Variants in TLCD4 observed in about 807,000 individuals in gnomAD.
The protein encoded by TLCD4 is TLC domain-containing protein 4.
TLCD4 carries 7 observed loss-of-function variants against 24.2 expected under a neutral mutation model. The ratio of observed to expected loss-of-function variants is 0.29; its 90% CI spans 0.16 to 0.54. TLCD4 has a LOEUF of 0.54. Ranked by LOEUF, TLCD4 falls within the 20% of genes least tolerant of loss-of-function variation. The probability of loss-of-function intolerance (pLI) is 0.95; values close to 1 mark genes in which losing one functional copy is unlikely to be tolerated. For missense variants in TLCD4, 259 were observed against 313.9 expected (o/e 0.82, Z 1.32); for synonymous variants, 103 against 106.4 (o/e 0.97, Z 0.20).
intron 6 of TLCD4, among the ~76,000 whole-genome samples, chr1:95,183,234 A>C (rs1317823440): frequency 1.3e-5 from 2 of 152,240 alleles, no homozygotes; most frequent in African/African-American, 4.8e-5. Context: ...GAGAGATGAC[A>C]AAATAGAGAT....
At chr1:95,166,646 C>T (rs147820812) in intron 5 of TLCD4, among the ~76,000 whole-genome samples, 1 of 152,312 alleles carries the variant, frequency 6.6e-6, no homozygotes, top group African/African-American at 2.4e-5. Flanking sequence ...ACCCTTGCAT[C>T]AGTAACTAGG....
At chr1:95,105,334 C>A in the TLCD4 span, among the ~76,000 whole-genome samples, 1 of 152,144 alleles carries the variant, frequency 6.6e-6, no homozygotes, top group Admixed American at 6.5e-5. Context: ...CCTGAAATAT[C>A]CTTTTCCCTG....
intron 2 of TLCD4, among the ~76,000 whole-genome samples, chr1:95,148,003 A>T (rs540872154): frequency 6.6e-6 from 1 of 152,272 alleles, no homozygotes; most frequent in South Asian, 2.1e-4. Context: ...TCTTGAGAAC[A>T]TTGTGCTTTC....
chr1:95,110,057 C>G, the TLCD4 span, among the ~76,000 whole-genome samples: 2 of 145,934 alleles, frequency 1.4e-5, no homozygotes, highest in Admixed American at 1.4e-4. Flanking sequence ...TTTGGGTATA[C>G]ATATACACGT....
At chr1:95,189,765 A>G (rs149060135) in intron 6 of TLCD4, among the ~76,000 whole-genome samples, 193 of 152,372 alleles carry the variant, frequency 1.3e-3, no homozygotes, top group Non-Finnish European at 2.1e-3. Context: ...ATGTACTACA[A>G]TGTTTGTCCA....
chr1:95,148,870 T>C (rs1571744725), intron 3 of TLCD4, 79 bp downstream of exon 3: 4 of 1,541,086 alleles, frequency 2.6e-6, no homozygotes, highest in Middle Eastern at 2.2e-4. Context: ...TCACTTACTT[T>C]AAAACAGAAA....
intron 5 of TLCD4, among the ~76,000 whole-genome samples, chr1:95,165,568 C>G: frequency 6.6e-6 from 1 of 151,570 alleles, no homozygotes; most frequent in East Asian, 1.9e-4. Flanking sequence ...CGGGTTCAAG[C>G]GATTCCCCTG....
At chr1:95,094,382 A>G in the TLCD4 span, among the ~76,000 whole-genome samples, 1 of 151,214 alleles carries the variant, frequency 6.6e-6, no homozygotes, top group African/African-American at 2.4e-5. Context: ...TGATCCTCCT[A>G]CCTTGGCCTC....
rs1329741511 is a variant in TLCD4, at chr1:95,194,972, G to A, written c.*3104G>A. On this transcript the variant is annotated 3_prime_UTR_variant, in exon 7 of 7. Transcript: ENST00000370203. ...CAACTGTTTGATTTTATTATTTCAT[G>A]GACTAGCCTTACGTTAAGTGAAATA... 1 of 152,112 alleles carries A rather than the reference G, an allele frequency of 6.6e-6. No homozygotes were observed. Among genetic ancestry groups the A allele is most frequent in the African/African-American group, 2.4e-5 (1 of 41,428 alleles). 9.4% of individuals were successfully genotyped at this position (152,112 alleles called of 1,614,324 possible). A position where few individuals can be genotyped will look rare whatever the true frequency, so the allele number is the denominator to read the frequency against.
At chr1:95,152,135 G>A (rs1383324490) in intron 5 of TLCD4, among the ~76,000 whole-genome samples, 1 of 151,872 alleles carries the variant, frequency 6.6e-6, no homozygotes, top group Non-Finnish European at 1.5e-5. Flanking sequence ...TTTAAAATTT[G>A]TCTTTTAAAG....
chr1:95,153,925 G>A (rs998227195), intron 5 of TLCD4, among the ~76,000 whole-genome samples: 1 of 152,022 alleles, frequency 6.6e-6, no homozygotes, highest in Non-Finnish European at 1.5e-5. Context: ...CCAATGGGGT[G>A]GTAAAGAGAG....
At chr1:95,185,404 T>C (rs1383425380) in intron 6 of TLCD4, among the ~76,000 whole-genome samples, 2 of 152,210 alleles carry the variant, frequency 1.3e-5, no homozygotes, top group Non-Finnish European at 2.9e-5. Flanking sequence ...TGGAAGGAAT[T>C]CATGGTTGAT....
chr1:95,119,721 A>G (rs537153756), intron 1 of TLCD4, among the ~76,000 whole-genome samples: 1 of 150,780 alleles, frequency 6.6e-6, no homozygotes, highest in Non-Finnish European at 1.5e-5. Context: ...CCCAGCGTTC[A>G]TGTTCCTCTC....
At chr1:95,185,868 C>T (rs1678814684) in intron 6 of TLCD4, among the ~76,000 whole-genome samples, 1 of 152,104 alleles carries the variant, frequency 6.6e-6, no homozygotes, top group Non-Finnish European at 1.5e-5. Context: ...CACCCCTAAC[C>T]CTGGTGTTGC....
At chr1:95,107,355 G>A in the TLCD4 span, among the ~76,000 whole-genome samples, 31 of 152,270 alleles carry the variant, frequency 2.0e-4, no homozygotes, top group African/African-American at 7.5e-4. Context: ...CCCAGGAGGC[G>A]AAGCTTGCAG....
chr1:95,184,336 C>T (rs546991117), intron 6 of TLCD4, among the ~76,000 whole-genome samples: 100 of 120,008 alleles, frequency 8.3e-4, no homozygotes, highest in African/African-American at 2.2e-3. Context: ...TTATTTGTCC[C>T]TGTCCTCTTT....
At chr1:95,144,092 C>A in intron 2 of TLCD4, 36 bp downstream of exon 2, 1 of 1,359,006 alleles carries the variant, frequency 7.4e-7, no homozygotes, top group South Asian at 2.3e-5. Context: ...TGACAAGAAA[C>A]TAGTTTATGA....
At chr1:95,184,892 A>G (rs1353780032) in intron 6 of TLCD4, among the ~76,000 whole-genome samples, 32 of 152,154 alleles carry the variant, frequency 2.1e-4, no homozygotes. Flanking sequence ...TGTAAATATT[A>G]TTTCACCTTG....
the TLCD4 span, among the ~76,000 whole-genome samples, chr1:95,109,491 A>ATTT: frequency 3.6e-5 from 5 of 139,940 alleles, no homozygotes; most frequent in Admixed American, 7.2e-5. Context: ...TAAGTTTTGC[A>ATTT]TTTTTTTTTT....
Sources: allele counts gnomAD v4.1 joint callset (sites outside exome capture counted in the v4.1 genomes callset), GRCh38; gene constraint gnomAD v4.1.1; transcripts MANE v1.5; gene names NCBI Gene and HGNC (gene_info 2026-07-23, HGNC 2026-07-21).